TAFA1: variants seen among roughly 807,000 people sequenced by gnomAD.
TAFA1 encodes TAFA chemokine like family member 1.
Under a neutral mutation model 18.5 loss-of-function variants are expected in TAFA1, and 4 were observed. The ratio of observed to expected loss-of-function variants is 0.22; its 90% CI spans 0.11 to 0.49. TAFA1 has a LOEUF of 0.49. TAFA1 is among the 20% of genes least tolerant of loss of function. The probability of loss-of-function intolerance (pLI) is 0.98; values close to 1 mark genes in which losing one functional copy is unlikely to be tolerated. For synonymous variants in TAFA1, 56 were observed against 55.2 expected (o/e 1.01, Z -0.06); for missense variants, 147 against 169.0 (o/e 0.87, Z 0.72).
chr3:68,305,443 A>G lies in TAFA1; in HGVS notation c.119-111837A>G, dbSNP rs1268571849. On this transcript the variant is annotated intron_variant, in intron 2 of 4. Coordinates refer to ENST00000478136, the MANE Select transcript of TAFA1 (RefSeq NM_213609.4). ...TATATATATATATATATATATATAT[A>G]TATATATATATATAGGTAGAAGGGG... is the stretch of plus-strand genomic sequence containing the variant. Among the ~76,000 whole-genome samples, 49 of 118,084 alleles carry G rather than the reference A, an allele frequency of 4.1e-4. 1 individual carries two copies. Among genetic ancestry groups the G allele is most frequent in the African/African-American group, 1.5e-3 (46 of 31,400 alleles). The allele number at this position is 118,084 out of a possible 152,430, so 77.5% of individuals were successfully genotyped here.
rs141898900 is a variant in TAFA1 at position 68,480,895 on chromosome 3, C to T, written c.260-57861C>T. Reference sequence around the variant, plus strand: ...GGGGCAGTTTCCCTCATACTGTTCTCGTGGTAGTGAATAAGTCTAAGGAGA... The same window carrying T: ...GGGGCAGTTTCCCTCATACTGTTCTTGTGGTAGTGAATAAGTCTAAGGAGA... On this transcript the variant is annotated intron_variant, in intron 3 of 4. Transcript: ENST00000478136. 3.5e-3 allele frequency among the ~76,000 whole-genome samples: 533 copies of T among 152,156 alleles called. 4 individuals are homozygous for T. The highest frequency in any genetic ancestry group is 0.012 in the African/African-American group (489 of 41,524).
chr3:68,509,903 CTGGCTCCAGAG>C (rs958181247), intron 3 of TAFA1, among the ~76,000 whole-genome samples: 6 of 152,256 alleles, frequency 3.9e-5, no homozygotes, highest in African/African-American at 1.4e-4. Flanking sequence ...GCTGAGGCAA[CTGGCTCCAGAG>C]TGGGCTATTA....
intron 2 of TAFA1, among the ~76,000 whole-genome samples, chr3:68,051,748 T>C (rs984682856): frequency 8.5e-5 from 13 of 152,160 alleles, no homozygotes; most frequent in Non-Finnish European, 1.5e-4. Context: ...TTTGAAAAGA[T>C]GTATGGAAAT....
intron 2 of TAFA1, among the ~76,000 whole-genome samples, chr3:68,155,041 G>T (rs1435071298): frequency 6.6e-6 from 1 of 152,142 alleles, no homozygotes; most frequent in Non-Finnish European, 1.5e-5. Flanking sequence ...CAACAAACCA[G>T]TTACGTCAGG....
intron 2 of TAFA1, among the ~76,000 whole-genome samples, chr3:68,090,537 C>T (rs1027211136): frequency 6.6e-6 from 1 of 152,256 alleles, no homozygotes; most frequent in Non-Finnish European, 1.5e-5. Flanking sequence ...ACCTGTGACT[C>T]TGTGGGTCTG....
rs958557942 is a variant in TAFA1 at position 68,225,888 on chromosome 3, A to C, written c.119-191392A>C. 2.5e-3 allele frequency among the ~76,000 whole-genome samples: 379 copies of C among 151,164 alleles called. 1 individual carries two copies. The highest frequency in any genetic ancestry group is 7.2e-3 in the African/African-American group (298 of 41,178). On this transcript the variant is annotated intron_variant, in intron 2 of 4. Coordinates refer to ENST00000478136, the MANE Select transcript of TAFA1 (RefSeq NM_213609.4). ...TATCTCAGGTTTGCTGTAAGCATAA[A>C]AAAAAAAAAATCCATATGAAAACAC... is the stretch of plus-strand genomic sequence containing the variant.
At chr3:68,471,472 C>G (rs1203279642) in intron 3 of TAFA1, among the ~76,000 whole-genome samples, 1 of 152,148 alleles carries the variant, frequency 6.6e-6, no homozygotes, top group African/African-American at 2.4e-5. Context: ...CCTGAAAAAC[C>G]AGAGGGGTGG....
At chr3:68,304,929 A>G (rs552204833) in intron 2 of TAFA1, among the ~76,000 whole-genome samples, 1 of 152,288 alleles carries the variant, frequency 6.6e-6, no homozygotes, top group South Asian at 2.1e-4. Flanking sequence ...TGTTTTTATC[A>G]GGATAGCTCC....
chr3:68,214,546 C>A (rs1264645976), intron 2 of TAFA1, among the ~76,000 whole-genome samples: 1 of 151,968 alleles, frequency 6.6e-6, no homozygotes, highest in Non-Finnish European at 1.5e-5. Flanking sequence ...TCACAGAGAC[C>A]AGAGTTCACA....
chr3:68,392,186 A>T (rs2070272198), intron 2 of TAFA1, among the ~76,000 whole-genome samples: 1 of 151,844 alleles, frequency 6.6e-6, no homozygotes, highest in Non-Finnish European at 1.5e-5. Context: ...CAAAAAAAAA[A>T]AAAAAAAAAA....
intron 2 of TAFA1, among the ~76,000 whole-genome samples, chr3:68,216,563 G>T (rs1315842517): frequency 6.6e-6 from 1 of 152,150 alleles, no homozygotes; most frequent in Non-Finnish European, 1.5e-5. Flanking sequence ...ATGCGGCATT[G>T]TTATACACGT....
chr3:68,208,987 A>G (rs997985527), intron 2 of TAFA1, among the ~76,000 whole-genome samples: 6 of 151,988 alleles, frequency 3.9e-5, no homozygotes, highest in African/African-American at 7.2e-5. Flanking sequence ...CCTTGGAGGA[A>G]CAACTGCCAT....
chr3:68,508,424 G>A (rs774235122), intron 3 of TAFA1, among the ~76,000 whole-genome samples: 6 of 151,998 alleles, frequency 3.9e-5, no homozygotes, highest in Non-Finnish European at 7.4e-5. Flanking sequence ...CTTTCACTGG[G>A]TGTCAAACTC....
intron 2 of TAFA1, among the ~76,000 whole-genome samples, chr3:68,411,405 A>T (rs1055683665): frequency 6.6e-5 from 10 of 152,164 alleles, no homozygotes; most frequent in African/African-American, 1.4e-4. Context: ...CAGATTTGTT[A>T]TTCATTTTTC....
intron 3 of TAFA1, among the ~76,000 whole-genome samples, chr3:68,486,685 G>A (rs2072346489): frequency 1.3e-5 from 2 of 152,150 alleles, no homozygotes; most frequent in African/African-American, 2.4e-5. Context: ...GACGACCTCT[G>A]GGTCTGCGAA....
intron 2 of TAFA1, among the ~76,000 whole-genome samples, chr3:68,298,610 A>G (rs567947063): frequency 2.9e-4 from 44 of 152,298 alleles, no homozygotes; most frequent in African/African-American, 1.0e-3. Flanking sequence ...AGGTAATTGA[A>G]TCATGGGGGT....
intron 2 of TAFA1, among the ~76,000 whole-genome samples, chr3:68,035,023 G>C (rs1378952307): frequency 6.6e-6 from 1 of 152,090 alleles, no homozygotes; most frequent in Non-Finnish European, 1.5e-5. Context: ...TTTACAGATA[G>C]GGCTGCTCAT....
intron 2 of TAFA1, among the ~76,000 whole-genome samples, chr3:68,311,376 A>C (rs1409645222): frequency 6.6e-6 from 1 of 152,212 alleles, no homozygotes; most frequent in African/African-American, 2.4e-5. Flanking sequence ...TTTACTCAAA[A>C]GTCCATAGTC....
At chr3:68,511,218 A>G (rs565978016) in intron 3 of TAFA1, among the ~76,000 whole-genome samples, 41 of 152,294 alleles carry the variant, frequency 2.7e-4, no homozygotes, top group African/African-American at 9.6e-4. Flanking sequence ...TAGTATAAAT[A>G]TCTGGGTAGC....
Sources: allele counts gnomAD v4.1 joint callset (sites outside exome capture counted in the v4.1 genomes callset), GRCh38; gene constraint gnomAD v4.1.1; transcripts MANE v1.5; gene names NCBI Gene and HGNC (gene_info 2026-07-23, HGNC 2026-07-21).